The following BPIFB1 variants were observed in gnomAD, a reference collection of about 807,000 sequenced individuals.
BPIFB1 encodes BPI fold-containing family B member 1.
A neutral mutation model predicts 55.1 loss-of-function variants in BPIFB1; 34 were observed. The observed-to-expected ratio is 0.62, with a 90% CI of 0.47 to 0.82. The LOEUF (loss-of-function observed/expected upper bound fraction) is 0.82, where lower values mean the gene tolerates loss of function less well. BPIFB1 is among the 40% of genes least tolerant of loss of function. The probability of loss-of-function intolerance (pLI) is 0.00; values close to 1 mark genes in which losing one functional copy is unlikely to be tolerated. For missense variants in BPIFB1, 532 were observed against 593.1 expected, an observed-to-expected ratio of 0.90 and a Z score of 1.07; for synonymous variants, 236 against 245.3, an observed-to-expected ratio of 0.96 and a Z score of 0.35.
chr20:33,299,262 C>T (rs1316615998), intron 7 of BPIFB1: 1 of 441,738 alleles, frequency 2.3e-6, no homozygotes, highest in Admixed American at 2.4e-5. Flanking sequence ...CAGCACTCCC[C>T]ATCCTCGGCC....
chr20:33,292,176 C>T (rs534392809), intron 6 of BPIFB1, among the ~76,000 whole-genome samples, 188 bp downstream of exon 6: 1 of 152,338 alleles, frequency 6.6e-6, no homozygotes, highest in Non-Finnish European at 1.5e-5. Flanking sequence ...CAGGCAAGGT[C>T]ATGGGACTGC....
At chr20:33,306,886 T>C in intron 14 of BPIFB1, 25 bp from the exon 15 acceptor site, 1 of 1,604,432 alleles carries the variant, frequency 6.2e-7, no homozygotes, top group Non-Finnish European at 8.5e-7. Context: ...GGCCCATCAG[T>C]TTCTGACCAC....
At chr20:33,299,821 A>C in intron 7 of BPIFB1, 78 bp from the exon 8 acceptor site, 2 of 1,040,982 alleles carry the variant, frequency 1.9e-6, no homozygotes, top group Non-Finnish European at 3.0e-6. Flanking sequence ...GTACAGCTCC[A>C]CCTGGAAGCA....
In BPIFB1 at chr20:33,301,420, T is replaced by C. The variant is rs375679081; in HGVS notation, c.927+8T>C. On this transcript the variant is annotated splice_region_variant and intron_variant, in intron 9 of 15. Coordinates refer to ENST00000253354, the MANE Select transcript of BPIFB1 (RefSeq NM_033197.3). ...GTCCTGTTGGACTCTGTGGTAAACC[T>C]CAGCACAAGGCAGAGAATAGGGCCG... 1.6e-5 allele frequency: 26 copies of C among 1,610,386 alleles called. No homozygotes were observed. The highest frequency in any genetic ancestry group is 6.7e-5 in the Admixed American group (4 of 59,946).
At chr20:33,284,105 G>A (rs1386609495) in intron 1 of BPIFB1, among the ~76,000 whole-genome samples, 1 of 152,156 alleles carries the variant, frequency 6.6e-6, no homozygotes, top group Non-Finnish European at 1.5e-5. Flanking sequence ...TCTACTGAAC[G>A]CTTGGCCATG....
Position 33,290,951 on chromosome 20 carries a change from C to T in BPIFB1, c.366-6C>T, listed in dbSNP as rs547247984. ...GCTCACATGGTCAGGTGCCTCCACC[C>T]GCTAGGCCCCTGGTCAAGACCATCG... On this transcript the variant is annotated splice_polypyrimidine_tract_variant and splice_region_variant and intron_variant, in intron 4 of 15. Transcript: ENST00000253354. The T allele has an allele frequency of 4.3e-6, 7 of 1,613,256 alleles. No homozygotes were observed. Among genetic ancestry groups the T allele is most frequent in the East Asian group, 4.5e-5 (2 of 44,858 alleles).
In BPIFB1 at chr20:33,290,943, C is replaced by T; in HGVS notation, c.366-14C>T. The T allele has an allele frequency of 1.9e-6, 3 of 1,612,516 alleles. No homozygotes were observed. The highest frequency in any genetic ancestry group is 2.5e-6 in the Non-Finnish European group (3 of 1,179,566). ...TGCCTGGTGCTCACATGGTCAGGTG[C>T]CTCCACCCGCTAGGCCCCTGGTCAA... On this transcript the variant is annotated splice_polypyrimidine_tract_variant and intron_variant, in intron 4 of 15. Transcript: ENST00000253354.
At chr20:33,297,675 A>G (rs969134091) in intron 7 of BPIFB1, 87 bp downstream of exon 7, 5 of 1,403,010 alleles carry the variant, frequency 3.6e-6, no homozygotes, top group Non-Finnish European at 3.0e-6. Flanking sequence ...GGCCTCCCCA[A>G]GTCAGGCCTG....
chr20:33,288,826 CG>C lies in BPIFB1; in HGVS notation c.203del (p.Gly68GlufsTer10). 6.2e-7 allele frequency: 1 copy of C among 1,614,026 alleles called. No homozygotes were observed. Among genetic ancestry groups the C allele is most frequent in the Non-Finnish European group, 8.5e-7 (1 of 1,180,040 alleles). ...LLSAMREKPA[G>X]GIPVLGSLVN... ...TCAGTGCCATGCGGGAAAAGCCAGC[CG>C]GAGGCATCCCTGTGCTGGGCAGCCT... On this transcript the variant is annotated frameshift_variant, in exon 3 of 16. Coordinates refer to ENST00000253354, the MANE Select transcript of BPIFB1 (RefSeq NM_033197.3). LOFTEE classifies it high-confidence loss of function.
At chr20:33,295,408 C>G (rs1251633807) in intron 6 of BPIFB1, among the ~76,000 whole-genome samples, 1 of 151,966 alleles carries the variant, frequency 6.6e-6, no homozygotes, top group Non-Finnish European at 1.5e-5. Context: ...GAGCTTGAGA[C>G]CAGCCTGGCC....
chr20:33,307,603 T>C (rs1436445462), intron 15 of BPIFB1: 1 of 153,240 alleles, frequency 6.5e-6, no homozygotes, highest in East Asian at 1.9e-4. Flanking sequence ...TATTAGGCCG[T>C]TCTCACACTG....
intron 6 of BPIFB1, 145 bp from the exon 7 acceptor site, chr20:33,297,380 T>A (rs1336208234): frequency 1.2e-5 from 10 of 815,722 alleles, no homozygotes; most frequent in African/African-American, 3.4e-5. Flanking sequence ...AACACACGAA[T>A]GAATCCTCAA....
chr20:33,292,685 C>T (rs1226555892), intron 6 of BPIFB1, among the ~76,000 whole-genome samples: 1 of 150,508 alleles, frequency 6.6e-6, no homozygotes, highest in Non-Finnish European at 1.5e-5. Context: ...GCACCACCCA[C>T]CAGGTCCTGT....
intron 2 of BPIFB1, among the ~76,000 whole-genome samples, chr20:33,286,453 G>A (rs1439753125): frequency 1.3e-5 from 2 of 152,228 alleles, no homozygotes; most frequent in Non-Finnish European, 2.9e-5. Flanking sequence ...GCCACTGCAT[G>A]CAGTGATGCA....
intron 2 of BPIFB1, among the ~76,000 whole-genome samples, chr20:33,288,432 A>ATGAGTGCAGGTCCAGGTGC (rs1980340056): frequency 6.6e-6 from 1 of 152,116 alleles, no homozygotes; most frequent in African/African-American, 2.4e-5. Flanking sequence ...GGCTCAGGGG[A>ATGAGTGCAGGTCCAGGTGC]TGAGTGCAGG....
rs1980791325 is a variant in BPIFB1 at position 33,299,908 on chromosome 20, C to T, written c.671C>T (p.Ser224Phe). Residue 224 changes from serine (S) to phenylalanine (F), a missense_variant, in exon 8 of 16, where the codon TCC (serine) becomes TTC (phenylalanine). Ser to Phe is a radical substitution (Grantham distance 155). Transcript: ENST00000253354. ...TCTTGTCCTTGAGCAGTGCCCATTT[C>T]CCTCAGCATTGACCGTCTGGAGTTT... ...DLLQLVKVPI[S>F]LSIDRLEFDL... 1 of 1,614,090 alleles carries T rather than the reference C, an allele frequency of 6.2e-7. No homozygotes were observed. The highest frequency in any genetic ancestry group is 2.2e-5 in the East Asian group (1 of 44,876).
At chr20:33,308,746 T>G (rs1981126626) in intron 15 of BPIFB1, among the ~76,000 whole-genome samples, 1 of 147,378 alleles carries the variant, frequency 6.8e-6, no homozygotes, top group African/African-American at 2.5e-5. Context: ...ACATACATAT[T>G]GCACACATAC....
At chr20:33,298,561 G>A (rs1470444371) in intron 7 of BPIFB1, among the ~76,000 whole-genome samples, 1 of 151,878 alleles carries the variant, frequency 6.6e-6, no homozygotes, top group Non-Finnish European at 1.5e-5. Flanking sequence ...GTTTTGTATA[G>A]GCACATCTCA....
chr20:33,286,747 G>A (rs909520179), intron 2 of BPIFB1, among the ~76,000 whole-genome samples: 2 of 152,234 alleles, frequency 1.3e-5, no homozygotes, highest in African/African-American at 4.8e-5. Flanking sequence ...CAGCACTTCT[G>A]ATGTTGTGGA....
Sources: gnomAD v4.1 joint callset for allele counts (sites outside exome capture counted in the v4.1 genomes callset) on GRCh38, gnomAD v4.1.1 for gene constraint, MANE v1.5 for transcripts, NCBI Gene and HGNC (gene_info 2026-07-23, HGNC 2026-07-21) for gene names.